The following DENND1B variants were observed in gnomAD, a reference collection of about 807,000 sequenced individuals.
DENND1B encodes DENN domain-containing protein 1B.
Under a neutral mutation model 90.1 loss-of-function variants are expected in DENND1B, and 59 were observed. That is an observed-to-expected ratio of 0.65 (90% CI 0.53 to 0.81). DENND1B has a LOEUF of 0.81. Among genes scored for constraint, DENND1B ranks in the 40% least tolerant of loss-of-function variants. The probability of loss-of-function intolerance (pLI) is 0.00; values close to 1 mark genes in which losing one functional copy is unlikely to be tolerated. For synonymous variants in DENND1B, 337 were observed against 324.6 expected (o/e 1.04, Z -0.41); for missense variants, 862 against 912.6 (o/e 0.94, Z 0.71).
intron 15 of DENND1B, 44 bp downstream of exon 15, chr1:197,583,108 A>C: frequency 6.6e-7 from 1 of 1,521,586 alleles, no homozygotes; most frequent in Non-Finnish European, 9.1e-7. Flanking sequence ...TGTAAAACTG[A>C]CAATGTTGTC....
upstream of DENND1B, among the ~76,000 whole-genome samples, chr1:197,780,327 C>CT (rs1265410957): frequency 0.02 from 2,619 of 134,098 alleles, 74 homozygotes; most frequent in African/African-American, 0.058. Context: ...GGTGGCTTTT[C>CT]TTTTTTTTTT....
At chr1:197,664,480 G>C (rs1356369669) in intron 5 of DENND1B, among the ~76,000 whole-genome samples, 2 of 151,964 alleles carry the variant, frequency 1.3e-5, no homozygotes, top group East Asian at 3.9e-4. Flanking sequence ...AAAGACATAA[G>C]GCAAAAGAGA....
At position 197,759,128 on chromosome 1, in the gene DENND1B, A is replaced by G. The variant is rs148195034; in HGVS notation, c.82+13740T>C. ...GGGGACTACAGGTGCACACCACTAC[A>G]CCCAGCTAACTTTTGTATTTTTTGG... On this transcript the variant is annotated intron_variant, in intron 2 of 22. Transcript: ENST00000620048. Among the ~76,000 whole-genome samples the G allele has an allele frequency of 3.4e-3, 518 of 151,216 alleles. 4 individuals are homozygous for G. Among genetic ancestry groups the G allele is most frequent in the Non-Finnish European group, 4.7e-3 (321 of 67,796 alleles).
intron 20 of DENND1B, among the ~76,000 whole-genome samples, chr1:197,517,026 G>C (rs927360200): frequency 6.6e-6 from 1 of 151,812 alleles, no homozygotes; most frequent in Non-Finnish European, 1.5e-5. Context: ...TAATCTCATT[G>C]TGTTATCTGC....
intron 2 of DENND1B, among the ~76,000 whole-genome samples, chr1:197,739,747 G>T (rs74541273): frequency 0.072 from 10,934 of 152,104 alleles, 504 homozygotes; most frequent in Non-Finnish European, 0.098. Context: ...TCAAAACTCA[G>T]TAATAAGAAA....
intron 2 of DENND1B, among the ~76,000 whole-genome samples, chr1:197,750,540 A>G (rs575479667): frequency 1.3e-5 from 2 of 151,894 alleles, no homozygotes; most frequent in Non-Finnish European, 2.9e-5. Context: ...ATTAAAGGCA[A>G]TGATTGTTAG....
rs117078579 is a variant in DENND1B at position 197,513,062 on chromosome 1, A to G, written c.1516-109T>C. On this transcript the variant is annotated intron_variant, in intron 20 of 22. Coordinates refer to ENST00000620048, the MANE Select transcript of DENND1B (RefSeq NM_001195215.2). The stretch of plus-strand genomic sequence containing the variant: ...CATAAGAAACACTTTTGCAAGAAAT[A>G]TGCATTCAGGGTTTTTGAATATTAT... 8.7e-4 allele frequency: 705 copies of G among 806,698 alleles called. 8 individuals carry two copies. In the East Asian group the frequency reaches 0.019, roughly 22 times the overall value. 50.0% of individuals were successfully genotyped at this position (806,698 alleles called of 1,614,324 possible). A position where few individuals can be genotyped will look rare whatever the true frequency, so the allele number is the denominator to read the frequency against.
At chr1:197,740,333 A>C (rs1379365397) in intron 2 of DENND1B, among the ~76,000 whole-genome samples, 1 of 152,158 alleles carries the variant, frequency 6.6e-6, no homozygotes, top group African/African-American at 2.4e-5. Flanking sequence ...TTAGAAATGT[A>C]AACAAGGGGG....
chr1:197,686,747 C>T (rs75251415), intron 3 of DENND1B, among the ~76,000 whole-genome samples: 2,629 of 150,780 alleles, frequency 0.017, 75 homozygotes, highest in African/African-American at 0.06. Flanking sequence ...AACTCTCTTC[C>T]TATCTTTGTC....
chr1:197,626,583 C>T (rs1197855383), intron 10 of DENND1B, among the ~76,000 whole-genome samples: 2 of 151,978 alleles, frequency 1.3e-5, no homozygotes, highest in East Asian at 3.9e-4. Flanking sequence ...AGGAAAGATC[C>T]AAAATTGACA....
chr1:197,539,983 T>C lies in DENND1B; in HGVS notation c.1496A>G (p.Glu499Gly), dbSNP rs1426757887. The C allele has an allele frequency of 1.9e-6, 3 of 1,613,110 alleles. No homozygotes were observed. The highest frequency in any genetic ancestry group is 1.7e-5 in the Admixed American group (1 of 59,950). The change falls in exon 20 of 23, where the codon GAA becomes GGA. Residue 499 changes from glutamate (E) to glycine (G), a missense_variant. Coordinates refer to ENST00000620048, the MANE Select transcript of DENND1B (RefSeq NM_001195215.2). The stretch of plus-strand genomic sequence containing the variant: ...ACTTACCTGAGCAAGCTTACGCTTT[T>C]CTGAGTTTCCTCCCTTTTCATTGTG... ...KLHNEKGGNS[E>G]KRKLAQARLK...
chr1:197,576,705 G>GT (rs1673718549), intron 15 of DENND1B, among the ~76,000 whole-genome samples: 1 of 152,056 alleles, frequency 6.6e-6, no homozygotes, highest in Non-Finnish European at 1.5e-5. Flanking sequence ...TTAAAAATAT[G>GT]TATTCTCTTC....
intron 20 of DENND1B, among the ~76,000 whole-genome samples, chr1:197,514,527 C>A (rs1668264291): frequency 1.3e-5 from 2 of 151,532 alleles, no homozygotes; most frequent in African/African-American, 4.8e-5. Context: ...TTGAAATATT[C>A]CCAGATTAAA....
intron 13 of DENND1B, among the ~76,000 whole-genome samples, chr1:197,600,724 C>A (rs1247807972): frequency 1.3e-5 from 2 of 151,648 alleles, no homozygotes; most frequent in East Asian, 3.9e-4. Context: ...AATAAACAAA[C>A]AGTATAAAGG....
intron 10 of DENND1B, among the ~76,000 whole-genome samples, chr1:197,622,164 A>C (rs2125873017): frequency 6.6e-6 from 1 of 151,564 alleles, no homozygotes. Context: ...AGGTCTAAAC[A>C]TAGGTAGTGC....
intron 6 of DENND1B, among the ~76,000 whole-genome samples, chr1:197,653,299 T>C (rs1343490378): frequency 5.3e-5 from 8 of 152,134 alleles, no homozygotes; most frequent in African/African-American, 1.9e-4. Flanking sequence ...TAAAAGAGGC[T>C]CATATGGTTG....
In DENND1B at chr1:197,775,216, G is replaced by T. The variant is rs143130819; in HGVS notation, c.-61C>A. 10 of 1,223,164 alleles carry T rather than the reference G, an allele frequency of 8.2e-6. No individual in the cohort carries two copies. The highest frequency in any genetic ancestry group is 1.6e-5 in the African/African-American group (1 of 63,100). 75.8% of individuals were successfully genotyped at this position (1,223,164 alleles called of 1,614,324 possible). ...CCGCGCGCTGGCCTGGAAGCCCGCA[G>T]CCCGGCCGCGCGAGGGTCGCGCCGT... On this transcript the variant is annotated 5_prime_UTR_variant, in exon 1 of 23. The change creates a new upstream start codon in the 5' untranslated region. Coordinates refer to ENST00000620048, the MANE Select transcript of DENND1B (RefSeq NM_001195215.2).
chr1:197,678,785 T>G (rs935187798), intron 3 of DENND1B, among the ~76,000 whole-genome samples: 2 of 152,144 alleles, frequency 1.3e-5, no homozygotes, highest in African/African-American at 4.8e-5. Flanking sequence ...GAATATGCAG[T>G]GTTTGGTTTT....
chr1:197,573,350 C>T (rs1012565941), intron 15 of DENND1B, among the ~76,000 whole-genome samples: 14 of 151,960 alleles, frequency 9.2e-5, no homozygotes, highest in Non-Finnish European at 1.3e-4. Context: ...TCTTTGTTCT[C>T]GTTGGTTTCA....
Sources: gnomAD v4.1 joint callset for allele counts (sites outside exome capture counted in the v4.1 genomes callset) on GRCh38, gnomAD v4.1.1 for gene constraint, MANE v1.5 for transcripts, NCBI Gene and HGNC (gene_info 2026-07-23, HGNC 2026-07-21) for gene names.